Variants in NDFIP1 observed in about 807,000 individuals in gnomAD.
NDFIP1 encodes the protein Nedd4 family interacting protein 1, also known as NEDD4 family-interacting protein 1.
A neutral mutation model predicts 28.8 loss-of-function variants in NDFIP1; 7 were observed. The observed-to-expected ratio is 0.24, with a 90% CI of 0.14 to 0.46. The LOEUF (loss-of-function observed/expected upper bound fraction) is 0.46, where lower values mean the gene tolerates loss of function less well. NDFIP1 is among the 20% of genes least tolerant of loss of function. The pLI, the probability that NDFIP1 is intolerant of heterozygous loss-of-function variation, is 0.99. For missense variants in NDFIP1, 194 were observed against 269.1 expected (o/e 0.72, Z 1.95); for synonymous variants, 92 against 101.0 (o/e 0.91, Z 0.53).
chr5:142,119,620 T>C (rs767912197), intron 1 of NDFIP1, among the ~76,000 whole-genome samples: 3 of 152,186 alleles, frequency 2.0e-5, no homozygotes, highest in Non-Finnish European at 2.9e-5. Context: ...TTTTTTTCTT[T>C]TTAAACAACA....
intron 1 of NDFIP1, among the ~76,000 whole-genome samples, chr5:142,117,674 CTA>C (rs1561598207): frequency 6.6e-6 from 1 of 150,530 alleles, no homozygotes; most frequent in African/African-American, 2.5e-5. Context: ...CCTTTCCTCC[CTA>C]TCTCTTTGCA....
chr5:142,123,700 T>C (rs377207075), intron 1 of NDFIP1, among the ~76,000 whole-genome samples: 1 of 152,204 alleles, frequency 6.6e-6, no homozygotes, highest in Admixed American at 6.5e-5. Context: ...AAAATGAGTC[T>C]GATACAGCCA....
chr5:142,136,922 TTAGCC>T (rs1258342586), intron 4 of NDFIP1, among the ~76,000 whole-genome samples: 3 of 17,938 alleles, frequency 1.7e-4, no homozygotes, highest in African/African-American at 4.2e-4. Flanking sequence ...AAATTAGCCG[TTAGCC>T]GGGCCTGGCG....
At chr5:142,125,553 T>C (rs1187630769) in intron 1 of NDFIP1, among the ~76,000 whole-genome samples, 1 of 152,072 alleles carries the variant, frequency 6.6e-6, no homozygotes, top group East Asian at 1.9e-4. Context: ...AGAGACAGGA[T>C]CTTGCTGTGT....
chr5:142,114,153 C>T (rs562683472), intron 1 of NDFIP1, among the ~76,000 whole-genome samples: 67 of 152,268 alleles, frequency 4.4e-4, no homozygotes, highest in African/African-American at 1.5e-3. Context: ...GCAGCTTCAC[C>T]ATTTTATTTT....
At chr5:142,128,595 C>G (rs1447716572) in intron 1 of NDFIP1, among the ~76,000 whole-genome samples, 2 of 152,202 alleles carry the variant, frequency 1.3e-5, no homozygotes, top group Non-Finnish European at 2.9e-5. Flanking sequence ...CGCGATCCCC[C>G]TACATTGCAG....
At chr5:142,142,938 A>ATATATATATAT (rs1418610556) in intron 6 of NDFIP1, 7 of 81,316 alleles carry the variant, frequency 8.6e-5, no homozygotes, top group South Asian at 4.1e-4. Context: ...AAAAAAAAAA[A>ATATATATATAT]AAATATATAT....
Position 142,108,934 on chromosome 5 carries a change from A to AGCTCGCTC in NDFIP1, c.-32_-25dup, listed in dbSNP as rs762686934. 1.3e-5 allele frequency: 18 copies of AGCTCGCTC among 1,412,364 alleles called. No individual in the cohort carries two copies. In the East Asian group the frequency reaches 3.4e-4, roughly 27 times the overall value. The allele number at this position is 1,412,364 out of a possible 1,614,324, so 87.5% of individuals were successfully genotyped here. On this transcript the variant is annotated 5_prime_UTR_variant, in exon 1 of 8. Transcript: ENST00000253814. The stretch of plus-strand genomic sequence containing the variant: ...CCGCAGCGGCCGCGCCCCTTCAGCT[A>AGCTCGCTC]GCTCGCTCGCTCGCTCTGCTTCCCT...
rs1756981363 is a variant in NDFIP1 at position 142,108,948 on chromosome 5, C to T, written c.-27C>T. On this transcript the variant is annotated 5_prime_UTR_variant, in exon 1 of 8. Transcript: ENST00000253814. ...CCCCTTCAGCTAGCTCGCTCGCTCGCTCTGCTTCCCTGCTGCCGGCTGCGC... is the reference window on the plus strand; with the variant it reads ...CCCCTTCAGCTAGCTCGCTCGCTCGTTCTGCTTCCCTGCTGCCGGCTGCGC... 1 of 1,431,048 alleles carries T rather than the reference C, an allele frequency of 7.0e-7. No homozygotes were observed. Among genetic ancestry groups the T allele is most frequent in the African/African-American group, 1.5e-5 (1 of 67,300 alleles). The allele number at this position is 1,431,048 out of a possible 1,614,324, so 88.6% of individuals were successfully genotyped here. A position where few individuals can be genotyped will look rare whatever the true frequency, so the allele number is the denominator to read the frequency against.
chr5:142,111,667 G>A (rs1375303261), intron 1 of NDFIP1, among the ~76,000 whole-genome samples: 2 of 152,222 alleles, frequency 1.3e-5, no homozygotes, highest in Non-Finnish European at 2.9e-5. Context: ...ATGGAAAACT[G>A]TATGATTCAT....
chr5:142,114,888 A>G (rs1011768491), intron 1 of NDFIP1, among the ~76,000 whole-genome samples: 8 of 152,152 alleles, frequency 5.3e-5, no homozygotes, highest in African/African-American at 1.4e-4. Context: ...ATGGGTGACC[A>G]CTTGTTAGGC....
At position 142,153,062 on chromosome 5, in the gene NDFIP1, G is replaced by A; in HGVS notation, c.*1334G>A. 2.9e-6 allele frequency: 1 copy of A among 339,144 alleles called. No homozygotes were observed. The highest frequency in any genetic ancestry group is 2.4e-5 in the South Asian group (1 of 42,392). The allele number at this position is 339,144 out of a possible 1,614,324, so 21.0% of individuals were successfully genotyped here. A position where few individuals can be genotyped will look rare whatever the true frequency, so the allele number is the denominator to read the frequency against. ...ATTCCTAATTATGCTTCAATTTTTA[G>A]ACATAATTTTAGATAATTTATTTCC... On this transcript the variant is annotated 3_prime_UTR_variant, in exon 8 of 8. Transcript: ENST00000253814.
In NDFIP1 at chr5:142,125,713, A is replaced by AT. The variant is rs201587593; in HGVS notation, c.64-6091dup. ...CAAACTTTTCCACAGCAGCTGTACC[A>AT]TTTTACATTCCCACCAGCAGTGTAT... On this transcript the variant is annotated intron_variant, in intron 1 of 7. Transcript: ENST00000253814. Among the ~76,000 whole-genome samples, 1,255 of 152,226 alleles carry AT rather than the reference A, an allele frequency of 8.2e-3. 19 individuals carry two copies. The highest frequency in any genetic ancestry group is 0.029 in the African/African-American group (1,204 of 41,540).
intron 1 of NDFIP1, among the ~76,000 whole-genome samples, chr5:142,119,194 A>G (rs549063339): frequency 6.6e-6 from 1 of 152,340 alleles, no homozygotes; most frequent in Non-Finnish European, 1.5e-5. Flanking sequence ...GGGTCACTCT[A>G]GCCTACTCCC....
At chr5:142,147,223 C>T (rs569076678) in intron 7 of NDFIP1, among the ~76,000 whole-genome samples, 27 of 152,284 alleles carry the variant, frequency 1.8e-4, no homozygotes, top group African/African-American at 6.3e-4. Context: ...AATGACTTCA[C>T]TAATTTTCCA....
intron 1 of NDFIP1, among the ~76,000 whole-genome samples, chr5:142,117,454 G>T (rs930557551): frequency 7.9e-5 from 12 of 151,668 alleles, no homozygotes; most frequent in Non-Finnish European, 1.5e-4. Flanking sequence ...TGTTGGCCAA[G>T]ATGGTCTCGA....
At chr5:142,130,099 G>A (rs1355433271) in intron 1 of NDFIP1, among the ~76,000 whole-genome samples, 5 of 151,960 alleles carry the variant, frequency 3.3e-5, no homozygotes, top group South Asian at 2.1e-4. Context: ...TGATGATACC[G>A]AAGCCAGGAC....
rs1408030613 is a variant in NDFIP1 at position 142,108,860 on chromosome 5, T to TCGAGACCCACCCAAGGCG, written c.-112_-95dup. 15 of 910,700 alleles carry TCGAGACCCACCCAAGGCG rather than the reference T, an allele frequency of 1.6e-5. No individual in the cohort carries two copies. The highest frequency in any genetic ancestry group is 1.3e-4 in the Admixed American group (3 of 22,960). The allele number at this position is 910,700 out of a possible 1,614,324, so 56.4% of individuals were successfully genotyped here. ...TCTCGCCCGGGAGCGGCGGCGGCCA[T>TCGAGACCCACCCAAGGCG]CGAGACCCACCCAAGGCGCGTCCCC... On this transcript the variant is annotated 5_prime_UTR_variant, in exon 1 of 8. Transcript: ENST00000253814.
intron 4 of NDFIP1, among the ~76,000 whole-genome samples, chr5:142,136,064 A>G (rs149894830): frequency 6.6e-6 from 1 of 152,316 alleles, no homozygotes; most frequent in African/African-American, 2.4e-5. Context: ...CTGCATTTTT[A>G]CATGAGCTAA....
Sources: gnomAD v4.1 joint callset for allele counts (sites outside exome capture counted in the v4.1 genomes callset) on GRCh38, gnomAD v4.1.1 for gene constraint, MANE v1.5 for transcripts, NCBI Gene and HGNC (gene_info 2026-07-23, HGNC 2026-07-21) for gene names.